Variants in ARHGAP18 observed in about 807,000 individuals in gnomAD.
ARHGAP18 encodes Rho GTPase activating protein 18, also known as rho GTPase-activating protein 18.
A neutral mutation model predicts 86.2 loss-of-function variants in ARHGAP18; 67 were observed. The ratio of observed to expected loss-of-function variants is 0.78; its 90% CI spans 0.64 to 0.95. The LOEUF (loss-of-function observed/expected upper bound fraction) is 0.95, where lower values mean the gene tolerates loss of function less well. ARHGAP18 is among the 40% of genes least tolerant of loss of function. The pLI is 0.00. For synonymous variants in ARHGAP18, 283 were observed against 280.4 expected (o/e 1.01, Z -0.09); for missense variants, 691 against 780.4 (o/e 0.89, Z 1.37).
chr6:129,685,512 A>T (rs1237978099), intron 1 of ARHGAP18, among the ~76,000 whole-genome samples: 1 of 152,234 alleles, frequency 6.6e-6, no homozygotes, highest in Non-Finnish European at 1.5e-5. Context: ...CGTCTAAAAA[A>T]AAAAAATTGT....
rs146183666 is a variant in ARHGAP18 at position 129,653,029 on chromosome 6, C to T, written c.114-11011G>A. 1.7e-3 allele frequency among the ~76,000 whole-genome samples: 261 copies of T among 152,020 alleles called. 2 individuals are homozygous for T. The highest frequency in any genetic ancestry group is 6.0e-3 in the African/African-American group (248 of 41,482). Reference sequence around the variant, plus strand: ...AATTTAAAAAAAAATCTGATAATAACGAAAGCTACATACACACCATATTAT... The same window carrying T: ...AATTTAAAAAAAAATCTGATAATAATGAAAGCTACATACACACCATATTAT... On this transcript the variant is annotated intron_variant, in intron 1 of 14. Transcript: ENST00000368149.
chr6:129,577,259 A>G lies in ARHGAP18; in HGVS notation c.*1254T>C, dbSNP rs1788196175. The G allele has an allele frequency of 6.6e-6, 1 of 152,180 alleles. No individual in the cohort carries two copies. Among genetic ancestry groups the G allele is most frequent in the Non-Finnish European group, 1.5e-5 (1 of 68,008 alleles). 9.4% of individuals were successfully genotyped at this position (152,180 alleles called of 1,614,324 possible). On this transcript the variant is annotated 3_prime_UTR_variant, in exon 15 of 15. Coordinates refer to ENST00000368149, the MANE Select transcript of ARHGAP18 (RefSeq NM_033515.3). ...ATTAACAGCATTCCCCCCCTTCATTAGAGACATCAAGAGCTTCTGAGAATG... is the reference window on the plus strand; with the variant it reads ...ATTAACAGCATTCCCCCCCTTCATTGGAGACATCAAGAGCTTCTGAGAATG...
chr6:129,695,706 CA>C (rs1273571530), intron 1 of ARHGAP18, among the ~76,000 whole-genome samples: 2 of 152,184 alleles, frequency 1.3e-5, no homozygotes, highest in Non-Finnish European at 2.9e-5. Flanking sequence ...ATCATTTCTA[CA>C]GACAAATGAT....
In ARHGAP18 at chr6:129,710,124, A is replaced by C. The variant is rs1465445945; in HGVS notation, c.13T>G (p.Ser5Ala). The change falls in exon 1 of 15, where the codon TCC (serine) becomes GCC (alanine). Residue 5 changes from serine (S) to alanine (A), a missense_variant. Physicochemically the swap from Ser to Ala is moderately conservative, Grantham distance 99. Transcript: ENST00000368149. MSWL[S>A]SSQGVVLTAY... is the part of the protein sequence containing the mutation. Reference sequence around the variant, plus strand: ...GTTAGTACCACTCCCTGGGAACTGGAGAGCCAGCTCATGGTGAGAGAAGGG... The same window carrying C: ...GTTAGTACCACTCCCTGGGAACTGGCGAGCCAGCTCATGGTGAGAGAAGGG... The C allele has an allele frequency of 2.5e-6, 4 of 1,613,460 alleles. No homozygotes were observed. In the East Asian group the frequency reaches 6.7e-5, roughly 27 times the overall value.
At chr6:129,580,540 T>C (rs1415522425) in intron 13 of ARHGAP18, among the ~76,000 whole-genome samples, 1 of 152,230 alleles carries the variant, frequency 6.6e-6, no homozygotes, top group Non-Finnish European at 1.5e-5. Context: ...GTATTTATCA[T>C]GGGTTTGCTG....
chr6:129,612,974 C>G (rs1789009537), intron 7 of ARHGAP18, among the ~76,000 whole-genome samples: 1 of 152,078 alleles, frequency 6.6e-6, no homozygotes, highest in South Asian at 2.1e-4. Context: ...TGGCTCACCC[C>G]TGTAATCCCA....
intron 6 of ARHGAP18, among the ~76,000 whole-genome samples, chr6:129,616,853 G>A (rs559986099): frequency 2.0e-5 from 3 of 152,228 alleles, no homozygotes; most frequent in Non-Finnish European, 2.9e-5. Flanking sequence ...CTACTTGGGG[G>A]GCTGAGGTTG....
chr6:129,625,133 T>TTATATAGATATA (rs1487649334), intron 5 of ARHGAP18, among the ~76,000 whole-genome samples: 1 of 16,502 alleles, frequency 6.1e-5, no homozygotes, highest in African/African-American at 4.6e-4. Context: ...ATATTATATA[T>TTATATAGATATA]GATATATATT....
At chr6:129,611,839 T>A (rs12529889) in intron 7 of ARHGAP18, among the ~76,000 whole-genome samples, 4 of 152,050 alleles carry the variant, frequency 2.6e-5, no homozygotes, top group African/African-American at 9.7e-5. Flanking sequence ...AACAGAAGTG[T>A]GTAATTTCAC....
At chr6:129,619,106 G>C (rs927681025) in intron 5 of ARHGAP18, among the ~76,000 whole-genome samples, 5 of 149,406 alleles carry the variant, frequency 3.3e-5, no homozygotes, top group African/African-American at 5.0e-5. Flanking sequence ...ATTAATACCA[G>C]TGGCTCAGAG....
chr6:129,585,186 G>A (rs933251357), intron 12 of ARHGAP18, among the ~76,000 whole-genome samples: 6 of 151,892 alleles, frequency 4.0e-5, no homozygotes, highest in African/African-American at 1.5e-4. Flanking sequence ...CAGCTACTCG[G>A]GAGGCTGAGG....
chr6:129,633,161 C>T (rs1361539192), intron 4 of ARHGAP18, among the ~76,000 whole-genome samples: 1 of 151,878 alleles, frequency 6.6e-6, no homozygotes, highest in East Asian at 1.9e-4. Context: ...GGCATGGTGG[C>T]TCACACCTGT....
chr6:129,625,116 T>A (rs1460940247), intron 5 of ARHGAP18, among the ~76,000 whole-genome samples: 2 of 32,066 alleles, frequency 6.2e-5, no homozygotes, highest in Non-Finnish European at 1.1e-4. Context: ...ATATATTATA[T>A]AGATATATAT....
intron 12 of ARHGAP18, among the ~76,000 whole-genome samples, chr6:129,586,966 C>A (rs1049585929): frequency 1.3e-5 from 2 of 152,190 alleles, no homozygotes; most frequent in African/African-American, 4.8e-5. Context: ...TCTCTTCATT[C>A]CGCTGACTCT....
At position 129,578,533 on chromosome 6, in the gene ARHGAP18, TAACCC is replaced by T; in HGVS notation, c.1967_1971del (p.Trp656TyrfsTer15). ...GTCTTCTACAATGGCTTTGACTTTA[TAACCC>T]ACTCAGCATTTGGGTTAAGCTGATA... On this transcript the variant is annotated frameshift_variant, in exon 15 of 15. Transcript: ENST00000368149. LOFTEE classifies it high-confidence loss of function. 1 of 1,612,288 alleles carries T rather than the reference TAACCC, an allele frequency of 6.2e-7. No individual in the cohort carries two copies. Among genetic ancestry groups the T allele is most frequent in the Middle Eastern group, 1.7e-4 (1 of 6,054 alleles).
Position 129,600,628 on chromosome 6 carries a change from T to G in ARHGAP18, c.1572+14A>C. ...TTTAAACTACTAAGACCAAAGCATA[T>G]GATATATACTTACTGTCCACAGAAG... On this transcript the variant is annotated intron_variant, in intron 11 of 14. Coordinates refer to ENST00000368149, the MANE Select transcript of ARHGAP18 (RefSeq NM_033515.3). 5 of 1,597,116 alleles carry G rather than the reference T, an allele frequency of 3.1e-6. No homozygotes were observed. The highest frequency in any genetic ancestry group is 4.3e-6 in the Non-Finnish European group (5 of 1,167,526).
chr6:129,631,502 T>C (rs1490376816), intron 4 of ARHGAP18, among the ~76,000 whole-genome samples: 2 of 152,042 alleles, frequency 1.3e-5, no homozygotes, highest in Non-Finnish European at 2.9e-5. Context: ...CTACAAGAAA[T>C]GGATGATTAC....
At chr6:129,633,391 C>T (rs531489110) in intron 4 of ARHGAP18, among the ~76,000 whole-genome samples, 124 of 149,050 alleles carry the variant, frequency 8.3e-4, no homozygotes, top group African/African-American at 3.0e-3. Flanking sequence ...GCCAAGACGA[C>T]GCCACTGCAC....
chr6:129,638,141 C>A lies in ARHGAP18; in HGVS notation c.552+253G>T, dbSNP rs76288787. On this transcript the variant is annotated intron_variant, in intron 3 of 14. Transcript: ENST00000368149. ...AGTGGAGTTAAAGTCACTTGTAATG[C>A]TCCAAGGACACCCTCTTCTCCTAAT... Among the ~76,000 whole-genome samples, 1,249 of 152,288 alleles carry A rather than the reference C, an allele frequency of 8.2e-3. 16 individuals are homozygous for A. The highest frequency in any genetic ancestry group is 0.029 in the African/African-American group (1,186 of 41,554).
Sources: gnomAD v4.1 joint callset for allele counts (sites outside exome capture counted in the v4.1 genomes callset) on GRCh38, gnomAD v4.1.1 for gene constraint, MANE v1.5 for transcripts, NCBI Gene and HGNC (gene_info 2026-07-23, HGNC 2026-07-21) for gene names.